Variants in CTNND2 observed in about 807,000 individuals in gnomAD.
CTNND2 encodes catenin delta-2.
In CTNND2, 22 loss-of-function variants were observed where a neutral mutation model predicts 144.4. That is an observed-to-expected ratio of 0.15 (90% confidence interval 0.11 to 0.22). The LOEUF (loss-of-function observed/expected upper bound fraction) is 0.22. Among genes scored for constraint, CTNND2 ranks in the 10% least tolerant of loss-of-function variants. CTNND2 has a pLI of 1.00. For synonymous variants in CTNND2, 751 were observed against 695.6 expected (o/e 1.08, Z -1.25); for missense variants, 1,353 against 1,618.8 (o/e 0.84, Z 2.82).
At chr5:11,281,706 T>C (rs1371044021) in intron 9 of CTNND2, among the ~76,000 whole-genome samples, 1 of 152,208 alleles carries the variant, frequency 6.6e-6, no homozygotes, top group African/African-American at 2.4e-5. Flanking sequence ...CCCCACCCAC[T>C]CACATGGTCG....
chr5:11,489,291 G>C (rs1381811439), intron 3 of CTNND2, among the ~76,000 whole-genome samples: 1 of 152,084 alleles, frequency 6.6e-6, no homozygotes, highest in African/African-American at 2.4e-5. Flanking sequence ...TTTCCCCAGT[G>C]GTTAACGATA....
chr5:11,010,905 C>T (rs750377083), intron 18 of CTNND2, among the ~76,000 whole-genome samples: 17 of 152,200 alleles, frequency 1.1e-4, no homozygotes, highest in Non-Finnish European at 1.9e-4. Context: ...ATTAGTTTTA[C>T]GTTTTCTTTC....
chr5:11,129,287 A>AAT (rs1755299568), intron 12 of CTNND2, among the ~76,000 whole-genome samples: 1 of 74,158 alleles, frequency 1.3e-5, no homozygotes, highest in Non-Finnish European at 2.5e-5. Flanking sequence ...ATTATATAAA[A>AAT]ATATATAATA....
chr5:11,292,930 A>C (rs1580816118), intron 9 of CTNND2, among the ~76,000 whole-genome samples: 1 of 152,278 alleles, frequency 6.6e-6, no homozygotes, highest in Admixed American at 6.5e-5. Flanking sequence ...CAGAGCTGTG[A>C]GACAATCAAT....
chr5:11,080,532 A>C (rs1261952039), intron 16 of CTNND2, among the ~76,000 whole-genome samples: 2 of 152,216 alleles, frequency 1.3e-5, no homozygotes, highest in African/African-American at 4.8e-5. Flanking sequence ...TCTCATGTTC[A>C]TTCCAGCATT....
At chr5:11,433,494 A>T (rs1763487415) in intron 3 of CTNND2, among the ~76,000 whole-genome samples, 1 of 152,114 alleles carries the variant, frequency 6.6e-6, no homozygotes, top group African/African-American at 2.4e-5. Context: ...AAAGAGATTT[A>T]ATTGGCTCAT....
intron 11 of CTNND2, 83 bp downstream of exon 11, chr5:11,199,365 T>C: frequency 8.2e-7 from 1 of 1,224,090 alleles, no homozygotes. Context: ...ACAATATTTA[T>C]TTGATTAGTA....
At chr5:10,987,988 A>G in intron 20 of CTNND2, 123 bp downstream of exon 20, 1 of 1,226,222 alleles carries the variant, frequency 8.2e-7, no homozygotes, top group Non-Finnish European at 1.1e-6. Flanking sequence ...GTGACTGGAC[A>G]GCTGCTAAGT....
intron 1 of CTNND2, among the ~76,000 whole-genome samples, chr5:11,888,642 A>C (rs1283138972): frequency 1.3e-5 from 2 of 152,282 alleles, no homozygotes; most frequent in South Asian, 4.1e-4. Context: ...ATTTTTATAG[A>C]TCAAACATGG....
At chr5:11,426,371 G>T (rs1234402344) in intron 3 of CTNND2, among the ~76,000 whole-genome samples, 1 of 152,206 alleles carries the variant, frequency 6.6e-6, no homozygotes, top group African/African-American at 2.4e-5. Flanking sequence ...GACCTGTGCA[G>T]TTGCACAGAG....
At chr5:11,529,789 AT>A (rs1199166348) in intron 3 of CTNND2, among the ~76,000 whole-genome samples, 1 of 152,142 alleles carries the variant, frequency 6.6e-6, no homozygotes, top group African/African-American at 2.4e-5. Context: ...TTTTCAAACA[AT>A]CTAAAATCAT....
intron 2 of CTNND2, among the ~76,000 whole-genome samples, chr5:11,643,760 A>G (rs1782195952): frequency 6.6e-6 from 1 of 152,090 alleles, no homozygotes; most frequent in African/African-American, 2.4e-5. Context: ...TGTTTTTTCT[A>G]TTTTTTCCCA....
chr5:11,545,376 G>C (rs1775141150), intron 3 of CTNND2, among the ~76,000 whole-genome samples: 1 of 150,976 alleles, frequency 6.6e-6, no homozygotes, highest in African/African-American at 2.4e-5. Context: ...TGAGCCTATA[G>C]AAAAGCTACA....
chr5:11,293,159 C>G (rs2150018641), intron 9 of CTNND2, among the ~76,000 whole-genome samples: 1 of 152,286 alleles, frequency 6.6e-6, no homozygotes, highest in African/African-American at 2.4e-5. Context: ...CTCAGATAAG[C>G]TCAGCTATTT....
intron 3 of CTNND2, among the ~76,000 whole-genome samples, chr5:11,466,902 T>TC (rs1766731424): frequency 6.6e-6 from 1 of 152,190 alleles, no homozygotes; most frequent in Non-Finnish European, 1.5e-5. Flanking sequence ...AGCAACAACA[T>TC]CACACAGGTG....
intron 3 of CTNND2, among the ~76,000 whole-genome samples, chr5:11,524,533 C>T (rs1773040145): frequency 6.6e-6 from 1 of 152,192 alleles, no homozygotes; most frequent in Admixed American, 6.5e-5. Context: ...ACAGGGAACC[C>T]TGCATTAACA....
chr5:11,749,517 C>G (rs1788492962), intron 1 of CTNND2, among the ~76,000 whole-genome samples: 1 of 151,962 alleles, frequency 6.6e-6, no homozygotes, highest in Non-Finnish European at 1.5e-5. Flanking sequence ...TGACTTATCA[C>G]AGACTCCTCA....
At chr5:11,700,207 C>G (rs10043612) in intron 2 of CTNND2, among the ~76,000 whole-genome samples, 18,383 of 152,002 alleles carry the variant, frequency 0.12, 3,679 homozygotes, top group African/African-American at 0.42. Flanking sequence ...TGGCCAACAT[C>G]GTGAAACCCC....
At chr5:11,327,479 C>T (rs1200492168) in intron 9 of CTNND2, among the ~76,000 whole-genome samples, 1 of 152,178 alleles carries the variant, frequency 6.6e-6, no homozygotes, top group African/African-American at 2.4e-5. Context: ...TTACAACCTT[C>T]TAAAAAGTGA....
Sources: gnomAD v4.1 joint callset for allele counts (sites outside exome capture counted in the v4.1 genomes callset) on GRCh38, gnomAD v4.1.1 for gene constraint, MANE v1.5 for transcripts, NCBI Gene and HGNC (gene_info 2026-07-23, HGNC 2026-07-21) for gene names.